Variants in VWA3B observed in about 807,000 individuals in gnomAD.
The protein encoded by VWA3B is von Willebrand factor A domain-containing protein 3B.
In VWA3B, 138 loss-of-function variants were observed where a neutral mutation model predicts 158.3. That is an observed-to-expected ratio of 0.87 (90% CI 0.76 to 1.00). The LOEUF (loss-of-function observed/expected upper bound fraction) is 1.00, where lower values mean the gene tolerates loss of function less well. Among genes scored for constraint, VWA3B ranks in the 50% least tolerant of loss-of-function variants. The probability of loss-of-function intolerance (pLI) is 0.00; values close to 1 mark genes in which losing one functional copy is unlikely to be tolerated. For synonymous variants in VWA3B, 596 were observed against 587.3 expected (o/e 1.01, Z -0.21); for missense variants, 1,555 against 1,565.1 (o/e 0.99, Z 0.11).
chr2:98,141,884 G>C (rs371458014), intron 7 of VWA3B, among the ~76,000 whole-genome samples: 2 of 152,190 alleles, frequency 1.3e-5, no homozygotes, highest in Non-Finnish European at 2.9e-5. Flanking sequence ...CCAGTGCATT[G>C]GTTGTGTAGG....
chr2:98,217,087 C>T, intron 13 of VWA3B: 2 of 801,564 alleles, frequency 2.5e-6, no homozygotes, highest in South Asian at 1.8e-5. Flanking sequence ...GGGGGTTCCC[C>T]TCAATGGCAG....
At chr2:98,099,035 A>T (rs948204428) in intron 2 of VWA3B, among the ~76,000 whole-genome samples, 1 of 152,120 alleles carries the variant, frequency 6.6e-6, no homozygotes, top group African/African-American at 2.4e-5. Context: ...ATCTTTTTCC[A>T]TTGCACATCC....
intron 21 of VWA3B, among the ~76,000 whole-genome samples, chr2:98,258,380 C>A (rs1274092191): frequency 6.6e-6 from 1 of 150,410 alleles, no homozygotes; most frequent in Non-Finnish European, 1.5e-5. Context: ...ATTGGCTTTT[C>A]TATTTCTGAA....
chr2:98,097,893 A>G (rs1432841331), intron 2 of VWA3B, among the ~76,000 whole-genome samples: 1 of 152,022 alleles, frequency 6.6e-6, no homozygotes, highest in Admixed American at 6.5e-5. Flanking sequence ...TTTGTTGGCC[A>G]TTTGTATATC....
intron 23 of VWA3B, among the ~76,000 whole-genome samples, chr2:98,293,343 C>T (rs1437197158): frequency 2.0e-5 from 3 of 152,088 alleles, no homozygotes; most frequent in Non-Finnish European, 2.9e-5. Context: ...GTCATATAAG[C>T]GGTAATTTTG....
At chr2:98,221,058 C>A (rs1404833943) in intron 14 of VWA3B, among the ~76,000 whole-genome samples, 7 of 151,910 alleles carry the variant, frequency 4.6e-5, no homozygotes, top group Admixed American at 4.6e-4. Context: ...ATAGGTGCTG[C>A]AAACCACTGT....
At chr2:98,304,958 C>G (rs2106002584) in intron 26 of VWA3B, among the ~76,000 whole-genome samples, 1 of 152,274 alleles carries the variant, frequency 6.6e-6, no homozygotes, top group East Asian at 1.9e-4. Context: ...CTCCTGTTCA[C>G]TCCTGAGCCT....
At chr2:98,187,927 C>T in intron 9 of VWA3B, 48 bp from the exon 10 acceptor site, 2 of 1,524,738 alleles carry the variant, frequency 1.3e-6, no homozygotes, top group South Asian at 1.3e-5. Context: ...GGAGGCTCTT[C>T]TCTTTGGACA....
intron 2 of VWA3B, among the ~76,000 whole-genome samples, chr2:98,094,112 A>G (rs979856245): frequency 1.3e-5 from 2 of 152,210 alleles, no homozygotes; most frequent in Non-Finnish European, 2.9e-5. Flanking sequence ...GAGAGTGCAG[A>G]TATCTCTTTC....
intron 14 of VWA3B, among the ~76,000 whole-genome samples, chr2:98,227,107 C>T (rs1410439334): frequency 6.6e-6 from 1 of 152,182 alleles, no homozygotes; most frequent in African/African-American, 2.4e-5. Context: ...GTCAAATTGT[C>T]TCTGTTTGCA....
chr2:98,196,525 G>A (rs1682056650), intron 12 of VWA3B, among the ~76,000 whole-genome samples: 1 of 152,188 alleles, frequency 6.6e-6, no homozygotes, highest in African/African-American at 2.4e-5. Context: ...CTGTTGTCAT[G>A]CAGCAGTAGG....
intron 12 of VWA3B, 86 bp from the exon 13 acceptor site, chr2:98,211,844 T>C (rs1683545397): frequency 8.5e-7 from 1 of 1,182,806 alleles, no homozygotes; most frequent in East Asian, 2.3e-5. Context: ...TACTTTTTCT[T>C]CTTTTTTGGA....
intron 7 of VWA3B, among the ~76,000 whole-genome samples, chr2:98,135,111 G>A (rs1676160891): frequency 6.6e-6 from 1 of 152,140 alleles, no homozygotes; most frequent in South Asian, 2.1e-4. Context: ...ACAAGATTAA[G>A]CCTAGTGGGC....
intron 2 of VWA3B, among the ~76,000 whole-genome samples, chr2:98,105,278 A>G (rs981558224): frequency 6.6e-6 from 1 of 152,174 alleles, no homozygotes; most frequent in African/African-American, 2.4e-5. Context: ...TTGTACATCC[A>G]TACTTATATA....
chr2:98,244,368 T>C (rs1255145493), intron 19 of VWA3B, among the ~76,000 whole-genome samples: 1 of 152,158 alleles, frequency 6.6e-6, no homozygotes, highest in African/African-American at 2.4e-5. Context: ...TGCTAAATGG[T>C]ATTTCAATTT....
At position 98,270,863 on chromosome 2, in the gene VWA3B, G is replaced by A. The variant is rs1425636470; in HGVS notation, c.3025G>A (p.Ala1009Thr). 11 of 1,613,864 alleles carry A rather than the reference G, an allele frequency of 6.8e-6. 1 individual carries two copies. Among genetic ancestry groups the A allele is most frequent in the African/African-American group, 1.3e-5 (1 of 74,886 alleles). ...ELQEAAKKNY[A>T]NKAPGEQQKL... The stretch of plus-strand genomic sequence containing the variant: ...CCAGGAGGCTGCCAAGAAGAATTAT[G>A]CAAACAAGGCCCCGGGAGAGGTGGG... The change falls in exon 22 of 28, where the codon GCA (alanine) becomes ACA (threonine). Residue 1009 changes from alanine (A) to threonine (T), a missense_variant. Ala to Thr is a moderately conservative substitution (Grantham distance 58, BLOSUM62 0). Transcript: ENST00000477737.
At chr2:98,193,877 C>T (rs1346994834) in intron 11 of VWA3B, among the ~76,000 whole-genome samples, 1 of 152,094 alleles carries the variant, frequency 6.6e-6, no homozygotes, top group Non-Finnish European at 1.5e-5. Context: ...CGTGAGCCAC[C>T]GTGCCCAGCC....
intron 24 of VWA3B, among the ~76,000 whole-genome samples, chr2:98,299,389 A>G (rs1424474319): frequency 6.6e-6 from 1 of 152,186 alleles, no homozygotes; most frequent in East Asian, 1.9e-4. Context: ...CGCGTTCCTA[A>G]TTCCAGCTCC....
chr2:98,301,891 C>T (rs1240469659), intron 25 of VWA3B, among the ~76,000 whole-genome samples: 1 of 151,930 alleles, frequency 6.6e-6, no homozygotes, highest in Non-Finnish European at 1.5e-5. Flanking sequence ...CTCCTTCTGC[C>T]CTTTCTATGT....
Sources: allele counts gnomAD v4.1 joint callset (sites outside exome capture counted in the v4.1 genomes callset), GRCh38; gene constraint gnomAD v4.1.1; transcripts MANE v1.5; gene names NCBI Gene and HGNC (gene_info 2026-07-23, HGNC 2026-07-21).